The following TEX36 variants were observed in gnomAD, a reference collection of about 807,000 sequenced individuals.
TEX36 encodes the protein testis expressed 36.
A neutral mutation model predicts 13.6 loss-of-function variants in TEX36; 12 were observed. The observed-to-expected ratio is 0.88, with a 90% confidence interval of 0.56 to 1.43. The LOEUF (loss-of-function observed/expected upper bound fraction) is 1.43, where lower values mean the gene tolerates loss of function less well. Among genes scored for constraint, TEX36 ranks in the 40% most tolerant of loss-of-function variants. TEX36 has a pLI of 0.00. For missense variants in TEX36, 224 were observed against 228.3 expected (o/e 0.98, Z 0.12); for synonymous variants, 93 against 83.0 (o/e 1.12, Z -0.65).
intron 3 of TEX36, among the ~76,000 whole-genome samples, chr10:125,612,475 T>C (rs1391140519): frequency 6.6e-6 from 1 of 152,174 alleles, no homozygotes; most frequent in Non-Finnish European, 1.5e-5. Flanking sequence ...CCCCCACCTG[T>C]TCTATTTAGC....
chr10:125,667,056 G>T, intron 1 of TEX36: 1 of 1,442,474 alleles, frequency 6.9e-7, no homozygotes, highest in Non-Finnish European at 9.6e-7. Context: ...TGCAGGGCTC[G>T]GCCATAGGAG....
chr10:125,627,563 T>C (rs1345136727), intron 3 of TEX36, among the ~76,000 whole-genome samples: 1 of 152,020 alleles, frequency 6.6e-6, no homozygotes, highest in Non-Finnish European at 1.5e-5. Context: ...TACATTATTC[T>C]AAAACAATCC....
At chr10:125,590,873 A>G (rs1330616196) in intron 3 of TEX36, among the ~76,000 whole-genome samples, 3 of 152,198 alleles carry the variant, frequency 2.0e-5, no homozygotes, top group Non-Finnish European at 4.4e-5. Context: ...ATATTATGCA[A>G]GCAGGAGTTA....
At chr10:125,661,786 G>A (rs2133596321) in intron 2 of TEX36, 60 bp downstream of exon 2, 2 of 1,534,746 alleles carry the variant, frequency 1.3e-6, no homozygotes, top group African/African-American at 1.4e-5. Context: ...ACGTGCCAGC[G>A]GCGCTGCCCC....
At chr10:125,614,303 A>ATT in intron 3 of TEX36, among the ~76,000 whole-genome samples, 1 of 152,212 alleles carries the variant, frequency 6.6e-6, no homozygotes, top group Non-Finnish European at 1.5e-5. Context: ...CCATTTGTCA[A>ATT]TTTTGGCTTT....
intron 3 of TEX36, among the ~76,000 whole-genome samples, chr10:125,582,268 G>C (rs1417618772): frequency 6.6e-6 from 1 of 152,180 alleles, no homozygotes; most frequent in Non-Finnish European, 1.5e-5. Context: ...GTGATGTCTA[G>C]CTGTAAAGCA....
chr10:125,603,444 A>C (rs1166059514), intron 3 of TEX36, among the ~76,000 whole-genome samples: 2 of 146,514 alleles, frequency 1.4e-5, no homozygotes, highest in Non-Finnish European at 1.5e-5. Flanking sequence ...CATTTCCCCC[A>C]CTGGTCCTTG....
At chr10:125,589,708 T>C (rs1047670163) in intron 3 of TEX36, among the ~76,000 whole-genome samples, 1 of 152,250 alleles carries the variant, frequency 6.6e-6, no homozygotes, top group Non-Finnish European at 1.5e-5. Flanking sequence ...CCTGGGATAG[T>C]GCAAGACTCA....
chr10:125,665,995 A>C (rs755681719), intron 1 of TEX36, among the ~76,000 whole-genome samples: 16 of 152,110 alleles, frequency 1.1e-4, no homozygotes, highest in Non-Finnish European at 2.4e-4. Flanking sequence ...TCTTAGCTAG[A>C]TCATTGCTGA....
intron 1 of TEX36, among the ~76,000 whole-genome samples, chr10:125,663,759 T>A (rs1257741270): frequency 6.6e-6 from 1 of 152,194 alleles, no homozygotes; most frequent in African/African-American, 2.4e-5. Context: ...ATGGGGTACA[T>A]AAGATATTTT....
At chr10:125,612,748 T>TC (rs989341269) in intron 3 of TEX36, among the ~76,000 whole-genome samples, 3 of 151,932 alleles carry the variant, frequency 2.0e-5, no homozygotes, top group African/African-American at 7.3e-5. Context: ...ACAAAGTGCA[T>TC]CTTTGATTTG....
intron 3 of TEX36, among the ~76,000 whole-genome samples, chr10:125,660,341 TCTCAAGCTCCTGAC>T (rs573680698): frequency 5.9e-4 from 90 of 152,176 alleles, no homozygotes; most frequent in African/African-American, 2.0e-3. Context: ...CCCAGGCTGG[TCTCAAGCTCCTGAC>T]CTCAAGTGAT....
At chr10:125,592,843 A>G (rs1022012220) in intron 3 of TEX36, among the ~76,000 whole-genome samples, 6 of 152,208 alleles carry the variant, frequency 3.9e-5, no homozygotes, top group Admixed American at 6.5e-5. Flanking sequence ...ATTTCTTATA[A>G]AGAATGCTAC....
At chr10:125,626,645 G>A (rs1196688365) in intron 3 of TEX36, among the ~76,000 whole-genome samples, 1 of 152,176 alleles carries the variant, frequency 6.6e-6, no homozygotes, top group Non-Finnish European at 1.5e-5. Flanking sequence ...CCATGATGGA[G>A]CAGACACAGA....
intron 3 of TEX36, among the ~76,000 whole-genome samples, chr10:125,629,553 G>C (rs1037893040): frequency 2.6e-5 from 4 of 151,838 alleles, no homozygotes; most frequent in African/African-American, 4.8e-5. Context: ...GCATTCATTC[G>C]GTGATATAAA....
At chr10:125,667,728 C>T (rs561831340) in intron 1 of TEX36, 15 of 777,150 alleles carry the variant, frequency 1.9e-5, no homozygotes, top group East Asian at 2.4e-5. Flanking sequence ...ATGACGTCCC[C>T]GATGCAGGGG....
chr10:125,583,533 C>A (rs1845908934), intron 3 of TEX36, among the ~76,000 whole-genome samples: 1 of 152,178 alleles, frequency 6.6e-6, no homozygotes. Context: ...AGGGCAAAGT[C>A]TTCATGACTT....
chr10:125,581,459 C>T (rs1845881442), intron 3 of TEX36, among the ~76,000 whole-genome samples: 1 of 152,156 alleles, frequency 6.6e-6, no homozygotes, highest in Admixed American at 6.5e-5. Flanking sequence ...ACTCCCCACT[C>T]GGGCATATCC....
intron 3 of TEX36, among the ~76,000 whole-genome samples, chr10:125,604,196 C>T (rs1386678735): frequency 6.6e-6 from 1 of 152,108 alleles, no homozygotes; most frequent in Non-Finnish European, 1.5e-5. Flanking sequence ...CTGTTAGGAA[C>T]CAGGCCACAC....
Sources: gnomAD v4.1 joint callset for allele counts (sites outside exome capture counted in the v4.1 genomes callset) on GRCh38, gnomAD v4.1.1 for gene constraint, MANE v1.5 for transcripts, NCBI Gene and HGNC (gene_info 2026-07-23, HGNC 2026-07-21) for gene names.